RNF212: variants seen among roughly 807,000 people sequenced by gnomAD.
The protein encoded by RNF212 is probable E3 SUMO-protein ligase RNF212.
RNF212 carries 33 observed loss-of-function variants against 34.7 expected under a neutral mutation model. The observed-to-expected ratio is 0.95, with a 90% CI of 0.72 to 1.27. The LOEUF is 1.27. Ranked by LOEUF, RNF212 falls within the 50% of genes most tolerant of loss-of-function variation. The pLI is 0.00. For missense variants in RNF212, 377 were observed against 362.2 expected (o/e 1.04, Z -0.33); for synonymous variants, 140 against 136.1 (o/e 1.03, Z -0.20).
chr4:1,088,648 C>T (rs1024615081), intron 4 of RNF212, among the ~76,000 whole-genome samples: 15 of 152,314 alleles, frequency 9.8e-5, no homozygotes, highest in Admixed American at 7.2e-4. Flanking sequence ...GAGAGATCTT[C>T]ACAGCAGCCC....
chr4:1,105,070 G>A (rs939645922), intron 2 of RNF212, among the ~76,000 whole-genome samples: 5 of 152,222 alleles, frequency 3.3e-5, no homozygotes, highest in African/African-American at 1.2e-4. Flanking sequence ...CAGAAGTGCT[G>A]CCTCAGCTTT....
chr4:1,099,677 A>C (rs971058883), intron 2 of RNF212: 1 of 453,216 alleles, frequency 2.2e-6, no homozygotes, highest in Non-Finnish European at 4.4e-6. Flanking sequence ...TGTGTGCGCC[A>C]CAATGGTACA....
At chr4:1,088,825 A>T (rs689216) in intron 4 of RNF212, among the ~76,000 whole-genome samples, 28,180 of 152,200 alleles carry the variant, frequency 0.19, 4,242 homozygotes, top group African/African-American at 0.42. Context: ...CTTCAGAGGG[A>T]GCAAACCCCA....
At chr4:1,094,809 T>C (rs1198814924) in intron 3 of RNF212, among the ~76,000 whole-genome samples, 1 of 152,100 alleles carries the variant, frequency 6.6e-6, no homozygotes, top group Non-Finnish European at 1.5e-5. Flanking sequence ...AACGTGTGAA[T>C]ATGGGGAGGG....
intron 8 of RNF212, among the ~76,000 whole-genome samples, chr4:1,074,266 G>A (rs1459578174): frequency 6.6e-6 from 1 of 152,184 alleles, no homozygotes; most frequent in Admixed American, 6.5e-5. Flanking sequence ...CGACCTGGGG[G>A]CATGGCAAGG....
intron 2 of RNF212, among the ~76,000 whole-genome samples, chr4:1,106,249 TACAC>T (rs35166968): frequency 0.3 from 43,416 of 145,588 alleles, 6,760 homozygotes; most frequent in Non-Finnish European, 0.37. Context: ...CAATTTTACT[TACAC>T]ACACACACAC....
At chr4:1,069,459 T>C (rs534290662), downstream of RNF212, among the ~76,000 whole-genome samples, 1 of 152,298 alleles carries the variant, frequency 6.6e-6, no homozygotes, top group Non-Finnish European at 1.5e-5. Flanking sequence ...TCATCCATTA[T>C]GGGGGACATA....
In RNF212 at chr4:1,113,372, G is replaced by C. The variant is rs763329824; in HGVS notation, c.93C>G (p.Asp31Glu). The change falls in exon 1 of 10, where the codon GAC (aspartate) becomes GAG (glutamate). Residue 31 changes from aspartate to glutamate, a missense_variant. Physicochemically the swap from Asp to Glu is conservative, Grantham distance 45. Coordinates refer to ENST00000433731, the MANE Select transcript of RNF212 (RefSeq NM_001131034.4). ...SLTNCGHVYC[D>E]ACLGKGKKNE... ...AGCCCTGACCTTTGCCGAGGCAGGC[G>C]TCGCAGTACACGTGCCCGCAGTTGG... is the stretch of plus-strand genomic sequence containing the variant. 1.9e-6 allele frequency: 3 copies of C among 1,583,622 alleles called. No individual in the cohort carries two copies. Among genetic ancestry groups the C allele is most frequent in the African/African-American group, 1.4e-5 (1 of 69,584 alleles).
intron 4 of RNF212, among the ~76,000 whole-genome samples, chr4:1,089,159 C>G (rs1721795659): frequency 6.6e-6 from 1 of 152,236 alleles, no homozygotes; most frequent in South Asian, 2.1e-4. Flanking sequence ...TGCAGGCACT[C>G]AACCCCAGCC....
chr4:1,058,888 C>T (rs536290754), intron 3 of RNF212, among the ~76,000 whole-genome samples: 4 of 152,320 alleles, frequency 2.6e-5, no homozygotes, highest in African/African-American at 4.8e-5. Context: ...CTTCCTCCCC[C>T]GCCTCTCCCA....
At chr4:1,073,267 A>C in intron 9 of RNF212, 74 bp from the exon 10 acceptor site, 1 of 1,544,586 alleles carries the variant, frequency 6.5e-7, no homozygotes, top group South Asian at 1.3e-5. Flanking sequence ...GCTGAGGGTG[A>C]GGGAGGGATT....
At chr4:1,079,540 C>A (rs879941958) in intron 8 of RNF212, 103 bp downstream of exon 8, 5 of 826,770 alleles carry the variant, frequency 6.0e-6, no homozygotes, top group Non-Finnish European at 1.1e-5. Context: ...TGTGCAAAGT[C>A]TGTCTACTGT....
chr4:1,111,121 G>C (rs1427013290), intron 1 of RNF212, among the ~76,000 whole-genome samples: 2 of 152,092 alleles, frequency 1.3e-5, no homozygotes, highest in African/African-American at 2.4e-5. Flanking sequence ...CCTCCTCACT[G>C]GTCCAATGGA....
intron 7 of RNF212, among the ~76,000 whole-genome samples, chr4:1,080,275 CA>C (rs993038372): frequency 6.6e-6 from 1 of 152,168 alleles, no homozygotes; most frequent in Non-Finnish European, 1.5e-5. Flanking sequence ...GCAAGAGTCC[CA>C]GGGGTGACTC....
chr4:1,064,132 G>T (rs1478886264), intron 3 of RNF212, among the ~76,000 whole-genome samples: 1 of 152,030 alleles, frequency 6.6e-6, no homozygotes, highest in Non-Finnish European at 1.5e-5. Flanking sequence ...TCCTCTTAAG[G>T]TCTTTAAGAA....
intron 4 of RNF212, among the ~76,000 whole-genome samples, chr4:1,090,357 C>T (rs578241064): frequency 5.9e-5 from 9 of 152,272 alleles, no homozygotes; most frequent in Admixed American, 1.3e-4. Context: ...CTTGGGGAAG[C>T]GGCCCCAGGT....
rs554405738 is a variant in RNF212, at chr4:1,074,542, A to C, written c.511-880T>G. On this transcript the variant is annotated intron_variant, in intron 8 of 9. Coordinates refer to ENST00000433731, the MANE Select transcript of RNF212 (RefSeq NM_001131034.4). Reference sequence around the variant, plus strand: ...CTCATGGTCTCTCTACCAGCACAGGAGTGCCCTGCTCCAGGGACTCTCTCT... The same window carrying C: ...CTCATGGTCTCTCTACCAGCACAGGCGTGCCCTGCTCCAGGGACTCTCTCT... Among the ~76,000 whole-genome samples, 6 of 152,178 alleles carry C rather than the reference A, an allele frequency of 3.9e-5. No individual in the cohort carries two copies. The East Asian group carries it at 1.2e-3, about 29-fold the overall frequency.
chr4:1,080,493 C>T (rs1464401826), intron 7 of RNF212, among the ~76,000 whole-genome samples: 1 of 152,168 alleles, frequency 6.6e-6, no homozygotes, highest in African/African-American at 2.4e-5. Context: ...GTGGACAAAA[C>T]CCACTTGGCT....
intron 2 of RNF212, among the ~76,000 whole-genome samples, chr4:1,107,594 C>T (rs1314861826): frequency 6.6e-6 from 1 of 151,928 alleles, no homozygotes; most frequent in Admixed American, 6.6e-5. Context: ...GGACTACAGG[C>T]GCCCACCACC....
Sources: allele counts gnomAD v4.1 joint callset (sites outside exome capture counted in the v4.1 genomes callset), GRCh38; gene constraint gnomAD v4.1.1; transcripts MANE v1.5; gene names NCBI Gene and HGNC (gene_info 2026-07-23, HGNC 2026-07-21).